Variants in CEP350 observed in about 807,000 individuals in gnomAD.
The protein encoded by CEP350 is centrosomal protein 350.
CEP350 carries 126 observed loss-of-function variants against 331.8 expected under a neutral mutation model. The ratio of observed to expected loss-of-function variants is 0.38; its 90% CI spans 0.33 to 0.44. The LOEUF (loss-of-function observed/expected upper bound fraction) is 0.44, where lower values mean the gene tolerates loss of function less well. CEP350 is among the 20% of genes least tolerant of loss of function. The pLI is 1.00. For missense variants in CEP350, 3,406 were observed against 3,634.6 expected, an observed-to-expected ratio of 0.94 and a Z score of 1.62; for synonymous variants, 1,200 against 1,259.5, an observed-to-expected ratio of 0.95 and a Z score of 1.00.
intron 32 of CEP350, among the ~76,000 whole-genome samples, chr1:180,089,100 T>C (rs1241485821): frequency 1.3e-5 from 2 of 152,186 alleles, no homozygotes; most frequent in East Asian, 3.9e-4. Flanking sequence ...CTTAAGCTAC[T>C]GAAGGATTTT....
At chr1:180,010,804 C>G (rs1393043318) in intron 8 of CEP350, among the ~76,000 whole-genome samples, 1 of 151,812 alleles carries the variant, frequency 6.6e-6, no homozygotes, top group Non-Finnish European at 1.5e-5. Flanking sequence ...GAAACAGGGT[C>G]CTGCTATGTT....
chr1:180,085,495 A>G (rs1435573796), intron 31 of CEP350: 1 of 152,154 alleles, frequency 6.6e-6, no homozygotes, highest in African/African-American at 2.4e-5. Flanking sequence ...TATTACACAC[A>G]TTCTGCTTCT....
chr1:180,037,470 G>A (rs746264547), intron 17 of CEP350, among the ~76,000 whole-genome samples: 1 of 149,966 alleles, frequency 6.7e-6, no homozygotes, highest in South Asian at 2.1e-4. Context: ...TGAGATCCGG[G>A]TGTTTGATAA....
At chr1:179,995,624 A>G (rs1653409035) in intron 5 of CEP350, among the ~76,000 whole-genome samples, 1 of 152,136 alleles carries the variant, frequency 6.6e-6, no homozygotes, top group South Asian at 2.1e-4. Flanking sequence ...CAATCAATCA[A>G]TCTAAAGTAA....
chr1:180,062,202 T>C lies in CEP350; in HGVS notation c.5263-18T>C, dbSNP rs1019607364. On this transcript the variant is annotated intron_variant, in intron 25 of 37. Coordinates refer to ENST00000367607, the MANE Select transcript of CEP350 (RefSeq NM_014810.5). ...CTTCTCCCAATCTTAATCCCTCTCTTAACTCTTTAAACCTTAGGCAGAAAT... is the reference window on the plus strand; with the variant it reads ...CTTCTCCCAATCTTAATCCCTCTCTCAACTCTTTAAACCTTAGGCAGAAAT... 6.3e-7 allele frequency: 1 copy of C among 1,589,338 alleles called. No individual in the cohort carries two copies. Among genetic ancestry groups the C allele is most frequent in the African/African-American group, 1.4e-5 (1 of 73,814 alleles).
rs1654808543 is a variant in CEP350 at position 180,013,887 on chromosome 1, C to T, written c.1434C>T (p.Asp478=). The change falls in exon 10 of 38, where the codon GAC becomes GAT. Residue 478 remains aspartate (D), a synonymous_variant. Coordinates refer to ENST00000367607, the MANE Select transcript of CEP350 (RefSeq NM_014810.5). ...GAGCAGAATCTGATCCCAGGTTGGA[C>T]GTTTTACATAGACATCTTCAAAGAA... is the stretch of plus-strand genomic sequence containing the variant. ...IGRAESDPRL[D]VLHRHLQRNS... The T allele has an allele frequency of 8.1e-6, 13 of 1,612,854 alleles. No homozygotes were observed. Among genetic ancestry groups the T allele is most frequent in the African/African-American group, 1.3e-5 (1 of 74,846 alleles).
intron 1 of CEP350, among the ~76,000 whole-genome samples, chr1:179,976,256 T>C (rs949612871): frequency 6.6e-6 from 1 of 152,044 alleles, no homozygotes; most frequent in Non-Finnish European, 1.5e-5. Flanking sequence ...TTTTAGACTA[T>C]ACTCCAATTT....
rs534551501 is a variant in CEP350 at position 180,019,489 on chromosome 1, A to G, written c.2175-460A>G. Among the ~76,000 whole-genome samples, 60 of 152,348 alleles carry G rather than the reference A, an allele frequency of 3.9e-4. 1 individual carries two copies. The highest frequency in any genetic ancestry group is 1.4e-3 in the African/African-American group (58 of 41,594). On this transcript the variant is annotated intron_variant, in intron 11 of 37. Coordinates refer to ENST00000367607, the MANE Select transcript of CEP350 (RefSeq NM_014810.5). ...AGCATATAGTAAATATTTGTTGATT[A>G]GAATAATCTATATCATGTCTACATT... is the stretch of plus-strand genomic sequence containing the variant.
At chr1:180,052,479 A>G (rs768383011) in intron 22 of CEP350, among the ~76,000 whole-genome samples, 26 of 152,234 alleles carry the variant, frequency 1.7e-4, no homozygotes, top group Non-Finnish European at 4.4e-5. Flanking sequence ...GAAGTATTCA[A>G]TAAAAAAAAG....
Position 180,041,150 on chromosome 1 carries a change from C to A in CEP350, c.4123C>A (p.Arg1375Ser), listed in dbSNP as rs753418762. ...LAQIIKAQQQ[R>S]HERDLALLKL... The stretch of plus-strand genomic sequence containing the variant: ...CATTATTTTGAAGGCACAACAGCAA[C>A]GCCATGAAAGAGACTTGGCCCTCTT... The change falls in exon 18 of 38, where the codon CGC becomes AGC. Residue 1375 changes from arginine to serine, a missense_variant. By Grantham distance (110) the Arg-to-Ser change is moderately radical (BLOSUM62 -1). Transcript: ENST00000367607. 1 of 1,592,236 alleles carries A rather than the reference C, an allele frequency of 6.3e-7. No homozygotes were observed. Among genetic ancestry groups the A allele is most frequent in the Admixed American group, 1.8e-5 (1 of 56,548 alleles).
At chr1:180,087,510 CT>C (rs1659937532) in intron 31 of CEP350, 67 bp from the exon 32 acceptor site, 2 of 1,334,692 alleles carry the variant, frequency 1.5e-6, no homozygotes, top group African/African-American at 3.0e-5. Context: ...TTAAAATATA[CT>C]ATTTTATAAT....
At chr1:180,084,369 A>T (rs554890596) in intron 31 of CEP350, 191 bp downstream of exon 31, 4 of 427,738 alleles carry the variant, frequency 9.4e-6, no homozygotes, top group East Asian at 8.8e-5. Context: ...ATTTTATTTT[A>T]TTTATTTATT....
intron 1 of CEP350, among the ~76,000 whole-genome samples, chr1:179,984,322 TG>T (rs1323814829): frequency 1.3e-5 from 2 of 152,254 alleles, no homozygotes; most frequent in African/African-American, 4.8e-5. Flanking sequence ...GCAGCTCATC[TG>T]GGTGATTTTG....
intron 6 of CEP350, among the ~76,000 whole-genome samples, chr1:180,002,728 G>T (rs1653947783): frequency 6.6e-6 from 1 of 152,084 alleles, no homozygotes. Context: ...TAAAGTATTG[G>T]TATAGTCATA....
intron 15 of CEP350, among the ~76,000 whole-genome samples, chr1:180,032,596 T>A (rs1656093972): frequency 6.6e-6 from 1 of 151,922 alleles, no homozygotes; most frequent in Non-Finnish European, 1.5e-5. Context: ...GAGGCTTTGA[T>A]AAGGAGAAGT....
At chr1:180,066,294 C>T (rs1249277474) in intron 27 of CEP350, among the ~76,000 whole-genome samples, 1 of 152,114 alleles carries the variant, frequency 6.6e-6, no homozygotes, top group African/African-American at 2.4e-5. Context: ...ATCTAGCTTC[C>T]TCGAAACCCA....
At chr1:180,024,695 A>C in intron 14 of CEP350, 113 bp downstream of exon 14, 1 of 1,166,722 alleles carries the variant, frequency 8.6e-7, no homozygotes, top group Non-Finnish European at 1.1e-6. Flanking sequence ...TGGTAATGTA[A>C]TTAGCTTTCA....
chr1:179,988,659 C>T lies in CEP350; in HGVS notation c.120+1373C>T, dbSNP rs1652823909. On this transcript the variant is annotated intron_variant, in intron 3 of 37. Transcript: ENST00000367607. ...TTTGGCAGGTGATGCATAGTTCATT[C>T]AAAGGGAAACCCTTTTTTTTTTTTA... is the stretch of plus-strand genomic sequence containing the variant. 2.0e-5 allele frequency among the ~76,000 whole-genome samples: 3 copies of T among 151,694 alleles called. No homozygotes were observed. In the South Asian group the frequency reaches 6.2e-4, roughly 32 times the overall value.
At chr1:180,091,697 G>T (rs1660207315) in intron 33 of CEP350, among the ~76,000 whole-genome samples, 1 of 152,040 alleles carries the variant, frequency 6.6e-6, no homozygotes, top group Admixed American at 6.6e-5. Context: ...GGGCATGGTG[G>T]TGCACACCTA....
Sources: gnomAD v4.1 joint callset for allele counts (sites outside exome capture counted in the v4.1 genomes callset) on GRCh38, gnomAD v4.1.1 for gene constraint, MANE v1.5 for transcripts, NCBI Gene and HGNC (gene_info 2026-07-23, HGNC 2026-07-21) for gene names.